Variants in CCZ1 observed in about 807,000 individuals in gnomAD.
CCZ1 encodes vacuolar fusion protein CCZ1 homolog.
In CCZ1, 19 loss-of-function variants were observed where a neutral mutation model predicts 57.8. That is an observed-to-expected ratio of 0.33 (90% CI 0.23 to 0.48). The LOEUF is 0.48. Among genes scored for constraint, CCZ1 ranks in the 20% least tolerant of loss-of-function variants. The pLI is 0.99. For synonymous variants in CCZ1, 81 were observed against 167.0 expected (o/e 0.49, Z 3.97); for missense variants, 200 against 492.0 (o/e 0.41, Z 5.61).
chr7:5,924,192 TAA>T (rs377186312), intron 14 of CCZ1, among the ~76,000 whole-genome samples: 26 of 58,758 alleles, frequency 4.4e-4, no homozygotes, highest in African/African-American at 1.2e-3. Context: ...TCTACAATTC[TAA>T]AAAAAAAAAA....
intron 9 of CCZ1, among the ~76,000 whole-genome samples, chr7:5,912,282 A>G (rs897934003): frequency 6.7e-5 from 9 of 133,520 alleles, no homozygotes; most frequent in African/African-American, 2.6e-4. Context: ...TAAAGATAAT[A>G]TGGACATTGA....
chr7:5,911,993 A>C (rs1270612640), intron 9 of CCZ1, 71 bp downstream of exon 9: 42 of 1,561,314 alleles, frequency 2.7e-5, no homozygotes, highest in Admixed American at 2.3e-4. Flanking sequence ...TGGCTCTGTT[A>C]CCCAGGCTGG....
chr7:5,909,456 C>T (rs1442860378), intron 7 of CCZ1, among the ~76,000 whole-genome samples: 1 of 149,944 alleles, frequency 6.7e-6, no homozygotes, highest in Non-Finnish European at 1.5e-5. Context: ...AATCCCAGCA[C>T]TTTAGGAGGC....
chr7:5,909,563 G>A (rs1489175400), intron 7 of CCZ1, among the ~76,000 whole-genome samples: 5 of 147,090 alleles, frequency 3.4e-5, no homozygotes. Context: ...TTAGCTGATG[G>A]TGGCGCATGC....
At position 5,910,266 on chromosome 7, in the gene CCZ1, C is replaced by T. The variant is rs1181359559; in HGVS notation, c.780+150C>T. The T allele has an allele frequency of 3.8e-5, 23 of 599,976 alleles. No individual in the cohort carries two copies. In the East Asian group the frequency reaches 6.6e-4, roughly 17 times the overall value. 37.2% of individuals were successfully genotyped at this position (599,976 alleles called of 1,614,324 possible). A position where few individuals can be genotyped will look rare whatever the true frequency, so the allele number is the denominator to read the frequency against. ...ATTTGTGTCACTGTATATCAATTAG[C>T]ACAGAAAACCACATGCAGCTCTCCT... On this transcript the variant is annotated intron_variant, in intron 8 of 14. Transcript: ENST00000325974.
At position 5,900,471 on chromosome 7, in the gene CCZ1, A is replaced by G. The variant is rs1423504330; in HGVS notation, c.219-2A>G. On this transcript the variant is annotated splice_acceptor_variant, in intron 2 of 14. Coordinates refer to ENST00000325974, the MANE Select transcript of CCZ1 (RefSeq NM_015622.6). LOFTEE classifies it high-confidence loss of function. ...CCAAACATATTTTTTTAACCTTTGT[A>G]GGACATTTAGCCCATCAAAACCTGC... The G allele has an allele frequency of 6.3e-7, 1 of 1,597,106 alleles. No homozygotes were observed.
intron 4 of CCZ1, 53 bp downstream of exon 4, chr7:5,900,985 T>G (rs1583180127): frequency 5.6e-6 from 6 of 1,068,110 alleles, no homozygotes; most frequent in East Asian, 5.7e-5. Context: ...TATTGCTGAG[T>G]ATGTTGAATG....
At chr7:5,905,535 G>C (rs1781790094) in intron 7 of CCZ1, among the ~76,000 whole-genome samples, 1 of 146,418 alleles carries the variant, frequency 6.8e-6, no homozygotes, top group Non-Finnish European at 1.5e-5. Context: ...TGTAATCTTA[G>C]CACTTTGGGA....
intron 5 of CCZ1, chr7:5,902,225 G>A: frequency 5.4e-6 from 1 of 184,578 alleles, no homozygotes; most frequent in Non-Finnish European, 1.1e-5. Flanking sequence ...TCGCGCCTTG[G>A]AGGTCGAGGC....
rs1779154307 is a variant in CCZ1 at position 5,916,620 on chromosome 7, G to A, written c.955-2247G>A. 2.7e-5 allele frequency among the ~76,000 whole-genome samples: 4 copies of A among 146,512 alleles called. 1 individual carries two copies. The highest frequency in any genetic ancestry group is 2.1e-4 in the South Asian group (1 of 4,818). On this transcript the variant is annotated intron_variant, in intron 10 of 14. Coordinates refer to ENST00000325974, the MANE Select transcript of CCZ1 (RefSeq NM_015622.6). ...ACAGCCCAGTGAGTGTTTCCCCATC[G>A]AGGATGTGTGGCTGTCTCTATGGAG... is the stretch of plus-strand genomic sequence containing the variant.
chr7:5,910,148 C>T (rs1472413703), intron 8 of CCZ1, 32 bp downstream of exon 8: 3 of 1,562,770 alleles, frequency 1.9e-6, no homozygotes, highest in Admixed American at 1.7e-5. Flanking sequence ...CGCACAATTA[C>T]ATGCAGGGGC....
At chr7:5,905,570 T>TC (rs1188049340) in intron 7 of CCZ1, among the ~76,000 whole-genome samples, 1 of 143,984 alleles carries the variant, frequency 6.9e-6, no homozygotes, top group Non-Finnish European at 1.5e-5. Context: ...AATCACGAGG[T>TC]CAGGAGTTGG....
intron 12 of CCZ1, among the ~76,000 whole-genome samples, chr7:5,922,866 G>A (rs1446855139): frequency 6.7e-6 from 1 of 149,862 alleles, no homozygotes; most frequent in African/African-American, 2.5e-5. Flanking sequence ...GGGGTCAGCA[G>A]ACTTTTACGG....
intron 6 of CCZ1, among the ~76,000 whole-genome samples, chr7:5,904,274 C>T (rs1383262398): frequency 5.7e-5 from 8 of 139,548 alleles, no homozygotes; most frequent in Admixed American, 1.4e-4. Flanking sequence ...TTATTAGAGA[C>T]GGGGTTTTGT....
chr7:5,904,970 G>A lies in CCZ1; in HGVS notation c.523-124G>A, dbSNP rs1425918612. On this transcript the variant is annotated intron_variant, in intron 6 of 14. Coordinates refer to ENST00000325974, the MANE Select transcript of CCZ1 (RefSeq NM_015622.6). ...GTCTTCACCACGGCCTCATTGTTGC[G>A]CTGTTTGCTAGTATGTAATTGTACC... The A allele has an allele frequency of 2.0e-5, 25 of 1,261,968 alleles. 1 individual carries two copies. The highest frequency in any genetic ancestry group is 6.3e-5 in the African/African-American group (4 of 63,260). 78.2% of individuals were successfully genotyped at this position (1,261,968 alleles called of 1,614,324 possible). A position where few individuals can be genotyped will look rare whatever the true frequency, so the allele number is the denominator to read the frequency against.
chr7:5,899,639 C>G (rs1781637720), intron 1 of CCZ1, among the ~76,000 whole-genome samples: 1 of 141,370 alleles, frequency 7.1e-6, no homozygotes, highest in South Asian at 2.4e-4. Flanking sequence ...TGGTGGCACG[C>G]ACCTGTATTT....
intron 9 of CCZ1, among the ~76,000 whole-genome samples, chr7:5,912,490 C>T (rs1779060550): frequency 7.5e-6 from 1 of 132,494 alleles, no homozygotes; most frequent in Non-Finnish European, 1.5e-5. Flanking sequence ...GCCTCCATCT[C>T]CTAGGTTCAA....
chr7:5,915,329 G>A (rs1268052040), intron 10 of CCZ1, among the ~76,000 whole-genome samples: 19 of 147,552 alleles, frequency 1.3e-4, no homozygotes, highest in African/African-American at 4.2e-4. Flanking sequence ...AAGAATGTCC[G>A]TTTGTGTATC....
intron 6 of CCZ1, among the ~76,000 whole-genome samples, chr7:5,903,242 TA>T (rs1562538280): frequency 6.8e-6 from 1 of 146,020 alleles, no homozygotes; most frequent in African/African-American, 2.5e-5. Flanking sequence ...TCTTTCGTTG[TA>T]ATTGAATTTT....
Sources: gnomAD v4.1 joint callset for allele counts (sites outside exome capture counted in the v4.1 genomes callset) on GRCh38, gnomAD v4.1.1 for gene constraint, MANE v1.5 for transcripts, NCBI Gene and HGNC (gene_info 2026-07-23, HGNC 2026-07-21) for gene names.